Variants in ITGB5 observed in about 807,000 individuals in gnomAD.
The protein encoded by ITGB5 is integrin subunit beta 5, also known as integrin beta-5.
A neutral mutation model predicts 84.8 loss-of-function variants in ITGB5; 38 were observed. That is an observed-to-expected ratio of 0.45 (90% confidence interval 0.35 to 0.59). The LOEUF is 0.59. ITGB5 is among the 20% of genes least tolerant of loss of function. The pLI is 0.01. For missense variants in ITGB5, 905 were observed against 1,034.5 expected (o/e 0.87, Z 1.72); for synonymous variants, 393 against 414.4 (o/e 0.95, Z 0.63).
intron 5 of ITGB5, among the ~76,000 whole-genome samples, chr3:124,835,294 G>A (rs188574270): frequency 9.2e-5 from 14 of 152,316 alleles, no homozygotes; most frequent in Admixed American, 7.8e-4. Context: ...AGGAAACCAC[G>A]GAGTCCTGCA....
chr3:124,812,674 T>C (rs2064523704), intron 8 of ITGB5, among the ~76,000 whole-genome samples: 2 of 152,158 alleles, frequency 1.3e-5, no homozygotes, highest in South Asian at 4.1e-4. Context: ...CAAACTCCCT[T>C]GGGAAGACTT....
At chr3:124,834,940 C>T (rs2064912098) in intron 5 of ITGB5, among the ~76,000 whole-genome samples, 2 of 152,118 alleles carry the variant, frequency 1.3e-5, no homozygotes, top group African/African-American at 4.8e-5. Flanking sequence ...ACATTCCAAG[C>T]AAGAAGGAGC....
chr3:124,891,467 G>A (rs1934999658), upstream of ITGB5, among the ~76,000 whole-genome samples: 1 of 151,894 alleles, frequency 6.6e-6, no homozygotes, highest in South Asian at 2.1e-4. Context: ...ATTGCTGGAG[G>A]CCAGGAGTTC....
chr3:124,848,730 T>C (rs551108649), intron 3 of ITGB5, among the ~76,000 whole-genome samples, 172 bp from the exon 4 acceptor site: 2 of 152,336 alleles, frequency 1.3e-5, no homozygotes, highest in South Asian at 2.1e-4. Flanking sequence ...GTGCTGAGAA[T>C]GGAGGCCTGG....
intron 10 of ITGB5, among the ~76,000 whole-genome samples, chr3:124,779,509 A>AGGAGCCT (rs1424185042): frequency 1.3e-5 from 2 of 151,840 alleles, no homozygotes; most frequent in Non-Finnish European, 2.9e-5. Context: ...GAGGATGAAG[A>AGGAGCCT]GGAGCCTGTT....
At chr3:124,862,835 C>T (rs144781288) in intron 2 of ITGB5, 2 of 152,148 alleles carry the variant, frequency 1.3e-5, no homozygotes, top group Non-Finnish European at 2.9e-5. Context: ...GTTAGCTGCA[C>T]CAACAACAAG....
At chr3:124,887,514 C>T, upstream of ITGB5, 2 of 183,960 alleles carry the variant, frequency 1.1e-5, no homozygotes, top group South Asian at 1.4e-4. Context: ...GGGCGAGCTC[C>T]GGGCCGGGCC....
intron 11 of ITGB5, among the ~76,000 whole-genome samples, chr3:124,771,459 G>GAATAGTGGGCTGGGTGT (rs1167797015): frequency 1.3e-5 from 2 of 152,094 alleles, no homozygotes; most frequent in Non-Finnish European, 2.9e-5. Flanking sequence ...AAATAAGAAG[G>GAATAGTGGGCTGGGTGT]AATAGTGGGC....
chr3:124,882,226 A>G (rs1934605140), intron 1 of ITGB5, among the ~76,000 whole-genome samples: 1 of 152,220 alleles, frequency 6.6e-6, no homozygotes, highest in Non-Finnish European at 1.5e-5. Flanking sequence ...TCCCTTATTC[A>G]CGGAGCTCAC....
At chr3:124,804,010 C>T (rs1200579026) in intron 9 of ITGB5, among the ~76,000 whole-genome samples, 1 of 152,204 alleles carries the variant, frequency 6.6e-6, no homozygotes, top group Admixed American at 6.5e-5. Context: ...TGTTTCTGGT[C>T]CTTCCCAAGA....
chr3:124,881,643 A>G (rs1488588570), intron 1 of ITGB5, among the ~76,000 whole-genome samples: 1 of 152,154 alleles, frequency 6.6e-6, no homozygotes, highest in Non-Finnish European at 1.5e-5. Flanking sequence ...CTCAGGGAGT[A>G]GACCAAATGG....
chr3:124,763,837 C>G, intron 14 of ITGB5, 119 bp from the exon 15 acceptor site: 1 of 631,062 alleles, frequency 1.6e-6, no homozygotes, highest in South Asian at 1.9e-5. Context: ...GCAGGCAGAG[C>G]ACTCAGGAGG....
chr3:124,775,269 A>G (rs900892224), intron 10 of ITGB5, among the ~76,000 whole-genome samples: 1 of 151,284 alleles, frequency 6.6e-6, no homozygotes, highest in African/African-American at 2.4e-5. Flanking sequence ...GAAGTATTTA[A>G]GTGTATGTTT....
intron 5 of ITGB5, among the ~76,000 whole-genome samples, chr3:124,829,014 C>A (rs1373605977): frequency 6.6e-6 from 1 of 152,096 alleles, no homozygotes; most frequent in Non-Finnish European, 1.5e-5. Context: ...ACATTGAGCA[C>A]CCCATTCAGT....
chr3:124,820,295 C>T (rs529411890), intron 6 of ITGB5, among the ~76,000 whole-genome samples: 1 of 152,338 alleles, frequency 6.6e-6, no homozygotes, highest in South Asian at 2.1e-4. Flanking sequence ...GGTCTGCCAA[C>T]ATCCCCCACA....
chr3:124,876,971 G>GTT (rs147825400), intron 1 of ITGB5, among the ~76,000 whole-genome samples: 1,877 of 150,398 alleles, frequency 0.012, 19 homozygotes, highest in Non-Finnish European at 0.021. Flanking sequence ...TTTCTTGTTT[G>GTT]TTTTTTTTTC....
chr3:124,769,413 G>T, intron 11 of ITGB5: 1 of 303,814 alleles, frequency 3.3e-6, no homozygotes, highest in Non-Finnish European at 6.1e-6. Flanking sequence ...CTAATGCCTG[G>T]TGAGGAGTCT....
In ITGB5 at chr3:124,809,149, C is replaced by T. The variant is rs769809752; in HGVS notation, c.1136G>A (p.Arg379Gln). ...QLIINAYNSI[R>Q]SKVELSVWDQ... ...CCAGACTGACAACTCCACTTTAGAC[C>T]GGATACTCTGAATGGAGAGAGAAAA... Residue 379 changes from arginine (R) to glutamine (Q), a missense_variant, in exon 9 of 15, where the codon CGG becomes CAG. This residue lies in a region of ITGB5 where 656 missense variants were observed against 734.7 expected (regional missense o/e 0.89). Coordinates refer to ENST00000296181, the MANE Select transcript of ITGB5 (RefSeq NM_002213.5). 7.4e-6 allele frequency: 12 copies of T among 1,613,818 alleles called. No homozygotes were observed. The highest frequency in any genetic ancestry group is 2.2e-5 in the East Asian group (1 of 44,872).
At chr3:124,886,260 A>T (rs1014633304) in intron 1 of ITGB5, among the ~76,000 whole-genome samples, 6 of 141,536 alleles carry the variant, frequency 4.2e-5, no homozygotes, top group African/African-American at 1.3e-4. Context: ...GGAATTTAAT[A>T]GGGAAGTCCC....
Sources: gnomAD v4.1 joint callset for allele counts (sites outside exome capture counted in the v4.1 genomes callset) on GRCh38, gnomAD v4.1.1 for gene constraint, gnomAD v4.1.1 regional missense constraint, MANE v1.5 for transcripts, NCBI Gene and HGNC (gene_info 2026-07-23, HGNC 2026-07-21) for gene names.